Variants in METTL15 observed in about 807,000 individuals in gnomAD.
METTL15 encodes methyltransferase 15, mitochondrial 12S rRNA N4-cytidine, also known as 12S rRNA N(4)-cytidine methyltransferase METTL15.
A neutral mutation model predicts 38.3 loss-of-function variants in METTL15; 34 were observed. That is an observed-to-expected ratio of 0.89 (90% confidence interval 0.68 to 1.18). The LOEUF (loss-of-function observed/expected upper bound fraction) is 1.18. METTL15 is among the 50% of genes most tolerant of loss of function. The pLI, the probability that METTL15 is intolerant of heterozygous loss-of-function variation, is 0.00. For synonymous variants in METTL15, 162 were observed against 170.9 expected, an observed-to-expected ratio of 0.95 and a Z score of 0.41; for missense variants, 438 against 498.4, an observed-to-expected ratio of 0.88 and a Z score of 1.15.
chr11:28,250,050 G>A lies in METTL15; in HGVS notation c.407+38852G>A, dbSNP rs570682998. On this transcript the variant is annotated intron_variant, in intron 4 of 6. Coordinates refer to ENST00000407364, the MANE Select transcript of METTL15 (RefSeq NM_001113528.2). ...CCATCCATGTTGCTGCAAAAGACAC[G>A]ATCTTATTCTTTTTTATGGCTGCAT... Among the ~76,000 whole-genome samples the A allele has an allele frequency of 1.4e-4, 21 of 152,130 alleles. No individual in the cohort carries two copies. The East Asian group carries it at 2.3e-3, about 17-fold the overall frequency.
At chr11:28,526,811 A>G (rs1356058992) in exon 8 of METTL15, 2 of 152,258 alleles carry the variant, frequency 1.3e-5, no homozygotes, top group African/African-American at 2.4e-5. Flanking sequence ...AAGCCCTGAC[A>G]CAGACTTTAT....
intron 3 of METTL15, among the ~76,000 whole-genome samples, chr11:28,174,186 T>G (rs188943380): frequency 2.0e-4 from 30 of 152,336 alleles, no homozygotes; most frequent in African/African-American, 6.3e-4. Flanking sequence ...AATTCGTCTC[T>G]TCTCCATTTA....
intron 6 of METTL15, among the ~76,000 whole-genome samples, chr11:28,476,581 G>T (rs1172660775): frequency 6.6e-6 from 1 of 152,100 alleles, no homozygotes; most frequent in East Asian, 1.9e-4. Flanking sequence ...CCTTCCTACT[G>T]TTCTAAACAG....
chr11:28,226,330 T>C (rs1343903947), intron 4 of METTL15, among the ~76,000 whole-genome samples: 1 of 151,988 alleles, frequency 6.6e-6, no homozygotes, highest in Non-Finnish European at 1.5e-5. Context: ...TTTAGTGATT[T>C]ATACAATTTG....
intron 3 of METTL15, among the ~76,000 whole-genome samples, chr11:28,188,987 C>A (rs1296207825): frequency 6.6e-6 from 1 of 151,068 alleles, no homozygotes; most frequent in East Asian, 1.9e-4. Flanking sequence ...TGTAAAATAT[C>A]GTTTACCATA....
At chr11:28,170,733 T>C (rs1310528805) in intron 3 of METTL15, among the ~76,000 whole-genome samples, 1 of 152,168 alleles carries the variant, frequency 6.6e-6, no homozygotes, top group Non-Finnish European at 1.5e-5. Flanking sequence ...AAATGCATTA[T>C]AAATTGTGTA....
chr11:28,516,645 A>G (rs551562770), intron 6 of METTL15, among the ~76,000 whole-genome samples: 34 of 152,340 alleles, frequency 2.2e-4, no homozygotes, highest in African/African-American at 8.2e-4. Flanking sequence ...TGGAGGAGAT[A>G]AACACAGAAA....
intron 3 of METTL15, among the ~76,000 whole-genome samples, chr11:28,195,849 G>A (rs534100057): frequency 9.9e-5 from 15 of 152,120 alleles, no homozygotes; most frequent in African/African-American, 2.9e-4. Flanking sequence ...TCAGGTCTTA[G>A]ATTTAAGTCT....
intron 4 of METTL15, among the ~76,000 whole-genome samples, chr11:28,217,963 C>T (rs1373528752): frequency 1.3e-5 from 2 of 152,052 alleles, no homozygotes; most frequent in Admixed American, 6.5e-5. Context: ...TTACTGTAGC[C>T]TTGTAGTGTA....
At position 28,330,530 on chromosome 11, in the gene METTL15, A is replaced by G. The variant is rs199965348; in HGVS notation, c.913A>G (p.Thr305Ala). ...ELNELYTGLK[T>A]AQKFLRPGGR... Reference sequence around the variant, plus strand: ...CAATGAACTCTACACGGGACTGAAGACAGCTCAGAAGTTTCTGAGACCTGG... The same window carrying G: ...CAATGAACTCTACACGGGACTGAAGGCAGCTCAGAAGTTTCTGAGACCTGG... Residue 305 changes from threonine (T) to alanine (A), a missense_variant, in exon 7 of 7, where the codon ACA becomes GCA. Physicochemically the swap from Thr to Ala is moderately conservative, Grantham distance 58. Coordinates refer to ENST00000407364, the MANE Select transcript of METTL15 (RefSeq NM_001113528.2). 1 of 1,551,564 alleles carries G rather than the reference A, an allele frequency of 6.4e-7. No individual in the cohort carries two copies.
intron 4 of METTL15, among the ~76,000 whole-genome samples, chr11:28,234,231 T>C (rs1453453894): frequency 6.6e-6 from 1 of 152,118 alleles, no homozygotes; most frequent in Admixed American, 6.5e-5. Context: ...TGGTTCCAGG[T>C]CTTTGCTATT....
chr11:28,175,474 T>G (rs1020727337), intron 3 of METTL15, among the ~76,000 whole-genome samples: 11 of 152,242 alleles, frequency 7.2e-5, no homozygotes, highest in East Asian at 1.9e-4. Flanking sequence ...GTAATGGGAT[T>G]GCTGGGTCAA....
intron 6 of METTL15, among the ~76,000 whole-genome samples, chr11:28,456,318 G>A (rs1469401916): frequency 1.3e-5 from 2 of 152,140 alleles, no homozygotes; most frequent in East Asian, 1.9e-4. Flanking sequence ...GCTACTGCAC[G>A]GTTTCTCCTG....
At chr11:28,246,621 T>C (rs868438735) in intron 4 of METTL15, among the ~76,000 whole-genome samples, 1 of 152,166 alleles carries the variant, frequency 6.6e-6, no homozygotes, top group South Asian at 2.1e-4. Context: ...AAATGATCAA[T>C]AGAATTGCAG....
chr11:28,321,599 C>A (rs918204671), intron 6 of METTL15, among the ~76,000 whole-genome samples: 3 of 152,124 alleles, frequency 2.0e-5, no homozygotes, highest in Admixed American at 6.5e-5. Context: ...ATAAATTTTA[C>A]ACAAATAAAT....
At chr11:28,524,828 T>C (rs1158346375) in intron 6 of METTL15, among the ~76,000 whole-genome samples, 1 of 152,176 alleles carries the variant, frequency 6.6e-6, no homozygotes, top group African/African-American at 2.4e-5. Flanking sequence ...TGGTGGGTTA[T>C]TGGTCTCACT....
intron 6 of METTL15, among the ~76,000 whole-genome samples, chr11:28,507,149 T>C (rs1317083116): frequency 6.6e-6 from 1 of 152,152 alleles, no homozygotes; most frequent in Admixed American, 6.5e-5. Flanking sequence ...CCACTTGTAA[T>C]AGTCCATTCT....
intron 6 of METTL15, among the ~76,000 whole-genome samples, chr11:28,300,032 A>G (rs996781625): frequency 2.6e-5 from 4 of 152,042 alleles, no homozygotes; most frequent in Non-Finnish European, 5.9e-5. Context: ...GTATATCCTA[A>G]TCTTAACTTG....
chr11:28,189,985 A>G (rs921313613), intron 3 of METTL15, among the ~76,000 whole-genome samples: 1 of 151,312 alleles, frequency 6.6e-6, no homozygotes, highest in Admixed American at 6.6e-5. Flanking sequence ...GGCTCCTGCT[A>G]GAGTTCCATA....
Sources: allele counts gnomAD v4.1 joint callset (sites outside exome capture counted in the v4.1 genomes callset), GRCh38; gene constraint gnomAD v4.1.1; transcripts MANE v1.5; gene names NCBI Gene and HGNC (gene_info 2026-07-23, HGNC 2026-07-21).